Variants in PRDM10 observed in about 807,000 individuals in gnomAD.
PRDM10 encodes PR domain zinc finger protein 10.
PRDM10 carries 65 observed loss-of-function variants against 133.1 expected under a neutral mutation model. The observed-to-expected ratio is 0.49, with a 90% CI of 0.40 to 0.60. The LOEUF is 0.60. Ranked by LOEUF, PRDM10 falls within the 20% of genes least tolerant of loss-of-function variation. The pLI is 0.00. For synonymous variants in PRDM10, 582 were observed against 580.4 expected (o/e 1.00, Z -0.04); for missense variants, 1,137 against 1,507.1 (o/e 0.75, Z 4.07).
Position 129,901,574 on chromosome 11 carries a change from C to T in PRDM10, c.*739G>A, listed in dbSNP as rs1949845389. 1 of 152,238 alleles carries T rather than the reference C, an allele frequency of 6.6e-6. No homozygotes were observed. The highest frequency in any genetic ancestry group is 6.5e-5 in the Admixed American group (1 of 15,284). The allele number at this position is 152,238 out of a possible 1,614,324, so 9.4% of individuals were successfully genotyped here. ...AATGTAGGGGTTTAGATTCTGCTGA[C>T]ATCAAGCAGCCTTTTCTCTTTCAGG... On this transcript the variant is annotated 3_prime_UTR_variant, in exon 21 of 21. Coordinates refer to ENST00000360871, the MANE Select transcript of PRDM10 (RefSeq NM_199437.2).
chr11:129,931,671 A>G (rs896196383), intron 10 of PRDM10, among the ~76,000 whole-genome samples: 4 of 150,778 alleles, frequency 2.7e-5, no homozygotes, highest in African/African-American at 9.8e-5. Flanking sequence ...GGTTCACGCC[A>G]TTCTCCTGCC....
intron 6 of PRDM10, among the ~76,000 whole-genome samples, chr11:129,944,220 G>A (rs1382023677): frequency 1.3e-5 from 2 of 152,148 alleles, no homozygotes; most frequent in African/African-American, 2.4e-5. Flanking sequence ...GAGCCTCCCA[G>A]TCTGTGGTAT....
At chr11:129,998,807 A>C (rs971804187) in intron 1 of PRDM10, among the ~76,000 whole-genome samples, 2 of 151,492 alleles carry the variant, frequency 1.3e-5, no homozygotes. Flanking sequence ...AAATGGTGAA[A>C]TGGTGTAATA....
Position 129,914,050 on chromosome 11 carries a change from G to A in PRDM10, c.2841+654C>T, listed in dbSNP as rs560712558. Among the ~76,000 whole-genome samples, 88 of 152,164 alleles carry A rather than the reference G, an allele frequency of 5.8e-4. 1 individual carries two copies. Among genetic ancestry groups the A allele is most frequent in the African/African-American group, 2.1e-3 (86 of 41,500 alleles). The stretch of plus-strand genomic sequence containing the variant: ...TGAGTCCTGTTCTGTCGCCCAGGCT[G>A]GAGTGCAATGGTGTGATCTCAGCTC... On this transcript the variant is annotated intron_variant, in intron 17 of 20. Transcript: ENST00000360871.
intron 4 of PRDM10, among the ~76,000 whole-genome samples, chr11:129,949,323 G>A (rs1325262825): frequency 6.6e-6 from 1 of 152,182 alleles, no homozygotes; most frequent in Non-Finnish European, 1.5e-5. Flanking sequence ...GCCTCAGGTT[G>A]TTGTATTAAG....
intron 8 of PRDM10, among the ~76,000 whole-genome samples, chr11:129,936,351 C>T (rs891207106): frequency 2.0e-5 from 3 of 151,772 alleles, no homozygotes; most frequent in African/African-American, 4.8e-5. Context: ...AAATGGCCAC[C>T]GTTAAGAATA....
chr11:129,903,400 T>C (rs1440441191), intron 20 of PRDM10, among the ~76,000 whole-genome samples: 1 of 151,576 alleles, frequency 6.6e-6, no homozygotes, highest in Non-Finnish European at 1.5e-5. Flanking sequence ...GACCATCAAA[T>C]AGACATTTTA....
At position 129,977,235 on chromosome 11, in the gene PRDM10, G is replaced by A. The variant is rs1157516822; in HGVS notation, c.-118-16153C>T. ...GAGCTACTAAAGCCTAGAAATTGGA[G>A]CAGAATAACATGACTAAAATACACA... On this transcript the variant is annotated intron_variant, in intron 1 of 20. Coordinates refer to ENST00000360871, the MANE Select transcript of PRDM10 (RefSeq NM_199437.2). Among the ~76,000 whole-genome samples the A allele has an allele frequency of 4.1e-5, 6 of 148,008 alleles. No individual in the cohort carries two copies. In the Admixed American group the frequency reaches 4.1e-4, roughly 10 times the overall value.
chr11:129,941,155 C>T (rs1458053730), intron 7 of PRDM10, among the ~76,000 whole-genome samples: 1 of 152,098 alleles, frequency 6.6e-6, no homozygotes, highest in East Asian at 1.9e-4. Flanking sequence ...AAGAGGTATC[C>T]ATTTCTAATT....
At chr11:129,999,093 G>A (rs1445880518) in intron 1 of PRDM10, among the ~76,000 whole-genome samples, 1 of 152,052 alleles carries the variant, frequency 6.6e-6, no homozygotes, top group East Asian at 1.9e-4. Flanking sequence ...AGAGTACTGG[G>A]ATTACAGGTG....
intron 1 of PRDM10, among the ~76,000 whole-genome samples, chr11:129,965,745 A>AT (rs1347516158): frequency 4.9e-4 from 72 of 147,824 alleles, no homozygotes; most frequent in African/African-American, 1.8e-3. Context: ...TATCAAAAAA[A>AT]AAAATATATA....
At chr11:129,919,900 C>T (rs1210833083) in intron 13 of PRDM10, among the ~76,000 whole-genome samples, 3 of 152,162 alleles carry the variant, frequency 2.0e-5, no homozygotes, top group East Asian at 3.9e-4. Context: ...GCAATGCATA[C>T]GACCCAACTC....
chr11:129,944,413 T>A (rs1442406857), intron 6 of PRDM10, among the ~76,000 whole-genome samples: 1 of 151,938 alleles, frequency 6.6e-6, no homozygotes, highest in Non-Finnish European at 1.5e-5. Context: ...AAACCCCGTC[T>A]CTACTAAAAA....
chr11:129,925,806 G>A (rs545633891), intron 11 of PRDM10, among the ~76,000 whole-genome samples: 2 of 152,288 alleles, frequency 1.3e-5, no homozygotes, highest in Admixed American at 6.5e-5. Context: ...TTCTTTTGGG[G>A]GTAATGGATA....
intron 6 of PRDM10, 39 bp downstream of exon 6, chr11:129,944,732 G>T: frequency 1.9e-6 from 3 of 1,609,474 alleles, no homozygotes; most frequent in Non-Finnish European, 2.5e-6. Flanking sequence ...TCAAACACTG[G>T]TAAAGGACAG....
Position 129,902,376 on chromosome 11 carries a change from C to CT in PRDM10, c.3407dup (p.Tyr1137ValfsTer50). 6.2e-7 allele frequency: 1 copy of CT among 1,614,022 alleles called. No individual in the cohort carries two copies. The highest frequency in any genetic ancestry group is 8.5e-7 in the Non-Finnish European group (1 of 1,179,928). ...CGTTGGTGGTGGTGGTGATGATGTA[C>CT]TGTGTGGTCTGCTGTTGGCTGTTGG... is the stretch of plus-strand genomic sequence containing the variant. On this transcript the variant is annotated frameshift_variant, in exon 21 of 21. Coordinates refer to ENST00000360871, the MANE Select transcript of PRDM10 (RefSeq NM_199437.2). LOFTEE classifies it high-confidence loss of function.
chr11:129,996,648 G>A (rs1183055670), intron 1 of PRDM10, among the ~76,000 whole-genome samples: 1 of 152,190 alleles, frequency 6.6e-6, no homozygotes, highest in East Asian at 1.9e-4. Flanking sequence ...ACTAGGAGAG[G>A]AGGGGAAGGA....
chr11:129,993,424 T>C (rs901415622), intron 1 of PRDM10, among the ~76,000 whole-genome samples: 6 of 152,204 alleles, frequency 3.9e-5, no homozygotes, highest in African/African-American at 1.4e-4. Context: ...CATAATACTG[T>C]TTCTGGACTC....
intron 10 of PRDM10, 74 bp downstream of exon 10, chr11:129,932,028 C>G: frequency 1.3e-6 from 2 of 1,525,900 alleles, no homozygotes; most frequent in South Asian, 2.5e-5. Context: ...GGTCTTTGTA[C>G]TTAGGTCTCG....
Sources: gnomAD v4.1 joint callset for allele counts (sites outside exome capture counted in the v4.1 genomes callset) on GRCh38, gnomAD v4.1.1 for gene constraint, MANE v1.5 for transcripts, NCBI Gene and HGNC (gene_info 2026-07-23, HGNC 2026-07-21) for gene names.